Variants in PREX2 observed in about 807,000 individuals in gnomAD.
PREX2 encodes phosphatidylinositol-3,4,5-trisphosphate dependent Rac exchange factor 2.
A neutral mutation model predicts 203.2 loss-of-function variants in PREX2; 107 were observed. The observed-to-expected ratio is 0.53, with a 90% CI of 0.45 to 0.62. The LOEUF (loss-of-function observed/expected upper bound fraction) is 0.62, where lower values mean the gene tolerates loss of function less well. Ranked by LOEUF, PREX2 falls within the 20% of genes least tolerant of loss-of-function variation. The pLI is 0.00. For synonymous variants in PREX2, 672 were observed against 663.6 expected (o/e 1.01, Z -0.19); for missense variants, 1,777 against 1,955.9 (o/e 0.91, Z 1.72).
At chr8:68,094,502 A>T in intron 21 of PREX2, among the ~76,000 whole-genome samples, 1 of 152,214 alleles carries the variant, frequency 6.6e-6, no homozygotes, top group East Asian at 1.9e-4. Context: ...TTATGTCTGC[A>T]ATTGACAAAT....
chr8:68,151,992 T>G (rs1811443983), intron 34 of PREX2, among the ~76,000 whole-genome samples: 1 of 151,994 alleles, frequency 6.6e-6, no homozygotes, highest in South Asian at 2.1e-4. Flanking sequence ...TTAAGGCTCT[T>G]TAAAAGATAA....
At chr8:68,063,610 A>G (rs1808927347) in intron 11 of PREX2, among the ~76,000 whole-genome samples, 1 of 152,166 alleles carries the variant, frequency 6.6e-6, no homozygotes, top group South Asian at 2.1e-4. Context: ...AGCTAGTGTT[A>G]ACTAGTGGAA....
At chr8:68,142,610 G>A (rs1390837022) in intron 33 of PREX2, among the ~76,000 whole-genome samples, 1 of 152,102 alleles carries the variant, frequency 6.6e-6, no homozygotes, top group Non-Finnish European at 1.5e-5. Flanking sequence ...GTTTTTCTGT[G>A]GATATAAGTT....
At chr8:68,067,338 C>A (rs917026025) in intron 11 of PREX2, among the ~76,000 whole-genome samples, 3 of 152,058 alleles carry the variant, frequency 2.0e-5, no homozygotes, top group African/African-American at 7.2e-5. Context: ...AATATTAATT[C>A]TTCCCTTCCA....
At chr8:68,159,331 T>A (rs1049647971) in intron 35 of PREX2, among the ~76,000 whole-genome samples, 1 of 152,178 alleles carries the variant, frequency 6.6e-6, no homozygotes, top group Admixed American at 6.5e-5. Context: ...CAAAATAAGT[T>A]TTAGTGTTAT....
At chr8:68,006,545 C>G (rs1487022546) in intron 1 of PREX2, among the ~76,000 whole-genome samples, 1 of 152,178 alleles carries the variant, frequency 6.6e-6, no homozygotes, top group Non-Finnish European at 1.5e-5. Context: ...TATATGTCAT[C>G]TCCCTAGAGT....
At chr8:67,967,850 A>G (rs1268063483) in intron 1 of PREX2, among the ~76,000 whole-genome samples, 1 of 152,122 alleles carries the variant, frequency 6.6e-6, no homozygotes, top group Admixed American at 6.5e-5. Flanking sequence ...CAAACACCAC[A>G]TGTTCTCACT....
At chr8:68,123,239 T>C (rs980810434) in intron 30 of PREX2, among the ~76,000 whole-genome samples, 2 of 152,038 alleles carry the variant, frequency 1.3e-5, no homozygotes, top group Non-Finnish European at 2.9e-5. Context: ...GCTAAGGCAA[T>C]GTTAAGAGGA....
intron 18 of PREX2, among the ~76,000 whole-genome samples, chr8:68,085,120 T>C (rs1052685586): frequency 5.9e-5 from 9 of 152,190 alleles, no homozygotes; most frequent in Admixed American, 5.2e-4. Flanking sequence ...CTTCACGTCC[T>C]CATCCATAAA....
intron 14 of PREX2, among the ~76,000 whole-genome samples, chr8:68,073,466 C>T (rs1809258042): frequency 6.6e-6 from 1 of 151,848 alleles, no homozygotes; most frequent in South Asian, 2.1e-4. Flanking sequence ...TTTTTTGTTT[C>T]AGTTGTTAAT....
intron 1 of PREX2, among the ~76,000 whole-genome samples, chr8:68,005,138 C>T (rs1414455058): frequency 2.0e-5 from 3 of 152,168 alleles, no homozygotes; most frequent in Admixed American, 6.5e-5. Context: ...CCCAGGGTCT[C>T]TCCCATACCG....
At chr8:68,046,114 G>A (rs977731389) in intron 8 of PREX2, among the ~76,000 whole-genome samples, 3 of 151,972 alleles carry the variant, frequency 2.0e-5, no homozygotes, top group South Asian at 4.1e-4. Flanking sequence ...TTGCTTAGGC[G>A]CTTCCTTTAT....
chr8:68,104,557 T>C lies in PREX2; in HGVS notation c.2716-3552T>C, dbSNP rs372781551. On this transcript the variant is annotated intron_variant, in intron 23 of 39. Transcript: ENST00000288368. Reference sequence around the variant, plus strand: ...GCTTCAGTGAGGCCTGTTCTGATCATCCTGGTTACAACTGGTAATCCATTC... The same window carrying C: ...GCTTCAGTGAGGCCTGTTCTGATCACCCTGGTTACAACTGGTAATCCATTC... Among the ~76,000 whole-genome samples the C allele has an allele frequency of 1.6e-4, 24 of 152,330 alleles. No individual in the cohort carries two copies. In the East Asian group the frequency reaches 4.2e-3, roughly 27 times the overall value.
chr8:68,129,123 G>A (rs1355585077), intron 31 of PREX2, among the ~76,000 whole-genome samples: 1 of 152,138 alleles, frequency 6.6e-6, no homozygotes, highest in East Asian at 1.9e-4. Flanking sequence ...TGACATTCTG[G>A]CAGATTAATA....
chr8:68,191,045 A>G (rs1812282965), intron 35 of PREX2, among the ~76,000 whole-genome samples: 1 of 152,150 alleles, frequency 6.6e-6, no homozygotes, highest in African/African-American at 2.4e-5. Context: ...ATGAGATCAT[A>G]TCCTTTGCAG....
intron 17 of PREX2, 133 bp from the exon 18 acceptor site, chr8:68,083,107 A>G (rs1184725145): frequency 5.1e-6 from 3 of 591,884 alleles, no homozygotes; most frequent in South Asian, 2.7e-5. Flanking sequence ...GTGAATTTGT[A>G]TAAAAACACG....
chr8:68,194,190 A>G (rs906394883), intron 37 of PREX2, among the ~76,000 whole-genome samples: 1 of 152,218 alleles, frequency 6.6e-6, no homozygotes, highest in African/African-American at 2.4e-5. Flanking sequence ...ATAAATATGC[A>G]TTGAGCACCA....
chr8:68,049,195 T>C (rs1184608381), intron 8 of PREX2, among the ~76,000 whole-genome samples: 1 of 150,864 alleles, frequency 6.6e-6, no homozygotes, highest in East Asian at 1.9e-4. Context: ...TATTATTTGA[T>C]AAAAATCAAA....
At chr8:67,972,501 C>A (rs12676935) in intron 1 of PREX2, among the ~76,000 whole-genome samples, 1 of 151,984 alleles carries the variant, frequency 6.6e-6, no homozygotes, top group South Asian at 2.1e-4. Flanking sequence ...TCCCAACCTG[C>A]CTTTCAGACC....
Sources: gnomAD v4.1 joint callset for allele counts (sites outside exome capture counted in the v4.1 genomes callset) on GRCh38, gnomAD v4.1.1 for gene constraint, MANE v1.5 for transcripts, NCBI Gene and HGNC (gene_info 2026-07-23, HGNC 2026-07-21) for gene names.